ST3GAL1: variants seen among roughly 807,000 people sequenced by gnomAD.
ST3GAL1 encodes ST3 beta-galactoside alpha-2,3-sialyltransferase 1.
A neutral mutation model predicts 34.1 loss-of-function variants in ST3GAL1; 16 were observed. That is an observed-to-expected ratio of 0.47 (90% CI 0.32 to 0.71). ST3GAL1 has a LOEUF of 0.71. Ranked by LOEUF, ST3GAL1 falls within the 30% of genes least tolerant of loss-of-function variation. The pLI is 0.04. For synonymous variants in ST3GAL1, 191 were observed against 184.7 expected (o/e 1.03, Z -0.28); for missense variants, 353 against 447.4 (o/e 0.79, Z 1.90).
At chr8:133,493,029 G>A (rs1240061924) in intron 3 of ST3GAL1, among the ~76,000 whole-genome samples, 1 of 152,210 alleles carries the variant, frequency 6.6e-6, no homozygotes, top group African/African-American at 2.4e-5. Context: ...AGAGGTGCTA[G>A]AGACAGCTCT....
chr8:133,521,401 C>A lies in ST3GAL1; in HGVS notation c.-428-22212G>T, dbSNP rs148263238. Among the ~76,000 whole-genome samples the A allele has an allele frequency of 1.8e-3, 276 of 152,318 alleles. 1 individual carries two copies. Among genetic ancestry groups the A allele is most frequent in the African/African-American group, 6.5e-3 (269 of 41,562 alleles). The stretch of plus-strand genomic sequence containing the variant: ...GTAACCTCCATCTCTTGGGTTCAAG[C>A]AATTCTCCTGCCTCAGCCTCCTGAG... On this transcript the variant is annotated intron_variant, in intron 2 of 9. Transcript: ENST00000522652.
intron 7 of ST3GAL1, among the ~76,000 whole-genome samples, chr8:133,464,282 A>T (rs918598560): frequency 3.8e-4 from 58 of 152,256 alleles, no homozygotes; most frequent in African/African-American, 1.3e-3. Flanking sequence ...TCTGCTCAGG[A>T]AACTAAGCTC....
intron 3 of ST3GAL1, among the ~76,000 whole-genome samples, chr8:133,490,661 C>T (rs539388850): frequency 3.3e-5 from 5 of 152,320 alleles, no homozygotes; most frequent in South Asian, 2.1e-4. Context: ...ATGATGGAGA[C>T]GCTGGTATGT....
rs1815487788 is a variant in ST3GAL1 at position 133,461,275 on chromosome 8, A to G, written c.849+600T>C. ...TGCCTGAACCCAACATCAGGGAGGA[A>G]GTGGGGGCTGTGTGGCCTGCCCTCC... is the stretch of plus-strand genomic sequence containing the variant. On this transcript the variant is annotated intron_variant, in intron 9 of 9. Coordinates refer to ENST00000522652, the MANE Select transcript of ST3GAL1 (RefSeq NM_173344.3). The surrounding 1 kb of genome is among the most constrained non-coding windows in gnomAD (Gnocchi z 4.7). Among the ~76,000 whole-genome samples the G allele has an allele frequency of 6.6e-6, 1 of 152,148 alleles. No homozygotes were observed. Among genetic ancestry groups the G allele is most frequent in the Non-Finnish European group, 1.5e-5 (1 of 68,008 alleles).
intron 5 of ST3GAL1, among the ~76,000 whole-genome samples, chr8:133,470,173 A>G (rs139584890): frequency 0.014 from 2,178 of 152,260 alleles, 64 homozygotes; most frequent in African/African-American, 0.05. Flanking sequence ...TAATCCCAAC[A>G]CTTTGCGAGG....
intron 1 of ST3GAL1, among the ~76,000 whole-genome samples, chr8:133,568,057 TA>T (rs112632910): frequency 0.01 from 1,556 of 151,948 alleles, 27 homozygotes; most frequent in African/African-American, 0.036. Context: ...AGTAGCTGGG[TA>T]CTACAGGAGC....
chr8:133,512,558 A>T (rs1586631414), intron 2 of ST3GAL1, among the ~76,000 whole-genome samples: 1 of 152,180 alleles, frequency 6.6e-6, no homozygotes, highest in African/African-American at 2.4e-5. Context: ...TTGACAGTCA[A>T]TATTAAGCAT....
At position 133,533,638 on chromosome 8, in the gene ST3GAL1, A is replaced by G. The variant is rs564707129; in HGVS notation, c.-429+12136T>C. Among the ~76,000 whole-genome samples the G allele has an allele frequency of 1.1e-4, 16 of 152,286 alleles. 1 individual carries two copies. In the South Asian group the frequency reaches 3.3e-3, roughly 32 times the overall value. On this transcript the variant is annotated intron_variant, in intron 2 of 9. Transcript: ENST00000522652. ...CGTCAAACAATCCCACTGTGGCTGT[A>G]TCCTGACCTTTGTACTGCTCCCTGT...
intron 7 of ST3GAL1, among the ~76,000 whole-genome samples, chr8:133,464,541 G>A (rs1341074650): frequency 6.6e-6 from 1 of 152,238 alleles, no homozygotes; most frequent in Non-Finnish European, 1.5e-5. Flanking sequence ...GCGCGTGGAG[G>A]TCCCTTCAGG....
At chr8:133,512,972 G>A (rs2131014324) in intron 2 of ST3GAL1, among the ~76,000 whole-genome samples, 1 of 152,346 alleles carries the variant, frequency 6.6e-6, no homozygotes, top group East Asian at 1.9e-4. Flanking sequence ...TTAGAGGGGA[G>A]GAAGGGGCCT....
intron 2 of ST3GAL1, among the ~76,000 whole-genome samples, chr8:133,515,109 C>T (rs1817603589): frequency 6.6e-6 from 1 of 152,184 alleles, no homozygotes; most frequent in African/African-American, 2.4e-5. Flanking sequence ...GACCTCTCTG[C>T]TCTCCCATCA....
chr8:133,562,295 C>T (rs373734139), intron 1 of ST3GAL1, among the ~76,000 whole-genome samples: 7 of 151,498 alleles, frequency 4.6e-5, no homozygotes, highest in African/African-American at 1.5e-4. Flanking sequence ...CTGCAACCTC[C>T]GCCTCCTGGG....
At chr8:133,462,528 AG>A (rs2130917013) in intron 8 of ST3GAL1, among the ~76,000 whole-genome samples, 2 of 152,312 alleles carry the variant, frequency 1.3e-5, no homozygotes, top group South Asian at 4.1e-4. Context: ...GCAGTGGCTG[AG>A]CTGGGAGGAG....
At chr8:133,478,862 C>G (rs984538553) in intron 3 of ST3GAL1, among the ~76,000 whole-genome samples, 1 of 152,146 alleles carries the variant, frequency 6.6e-6, no homozygotes, top group African/African-American at 2.4e-5. Flanking sequence ...TGGCAGTGAC[C>G]CTGTCACCCG....
At position 133,461,469 on chromosome 8, in the gene ST3GAL1, C is replaced by G. The variant is rs2130914709; in HGVS notation, c.849+406G>C. ...CCTGGGTACCTGGCTCCCATTAATT[C>G]TGGTAAAATTGGGCCAAGGTGTGGC... On this transcript the variant is annotated intron_variant, in intron 9 of 9. Coordinates refer to ENST00000522652, the MANE Select transcript of ST3GAL1 (RefSeq NM_173344.3). The surrounding 1 kb of genome is among the most constrained non-coding windows in gnomAD (Gnocchi z 4.7). Among the ~76,000 whole-genome samples, 1 of 152,286 alleles carries G rather than the reference C, an allele frequency of 6.6e-6. No individual in the cohort carries two copies. Among genetic ancestry groups the G allele is most frequent in the East Asian group, 1.9e-4 (1 of 5,178 alleles).
intron 2 of ST3GAL1, among the ~76,000 whole-genome samples, chr8:133,540,828 TATATATAGAGAGAC>T (rs1435741881): frequency 0.039 from 3,260 of 83,178 alleles, 200 homozygotes; most frequent in Non-Finnish European, 0.052. Flanking sequence ...TATATAGACA[TATATATAGAGAGAC>T]ATATATATAG....
chr8:133,535,603 G>A lies in ST3GAL1; in HGVS notation c.-429+10171C>T, dbSNP rs556430071. ...CTGCAGCCTTGAACTTCTGGCCTCA[G>A]TTTCCCAAGTGACTAGGACTATAGA... On this transcript the variant is annotated intron_variant, in intron 2 of 9. Transcript: ENST00000522652. Among the ~76,000 whole-genome samples the A allele has an allele frequency of 2.3e-4, 35 of 150,838 alleles. No individual in the cohort carries two copies. In the South Asian group the frequency reaches 7.1e-3, roughly 30 times the overall value.
intron 3 of ST3GAL1, among the ~76,000 whole-genome samples, chr8:133,483,545 G>A (rs905200339): frequency 3.3e-5 from 5 of 152,154 alleles, no homozygotes; most frequent in Non-Finnish European, 5.9e-5. Flanking sequence ...TACTCGCAGG[G>A]TTATTTAAAA....
chr8:133,480,744 C>A (rs145893555), intron 3 of ST3GAL1, among the ~76,000 whole-genome samples: 1 of 152,204 alleles, frequency 6.6e-6, no homozygotes, highest in African/African-American at 2.4e-5. Flanking sequence ...TCTGTGTAGC[C>A]GTGGCTCATC....
Sources: allele counts gnomAD v4.1 joint callset (sites outside exome capture counted in the v4.1 genomes callset), GRCh38; gene constraint gnomAD v4.1.1; non-coding constraint Gnocchi (gnomAD v3.1); transcripts MANE v1.5; gene names NCBI Gene and HGNC (gene_info 2026-07-23, HGNC 2026-07-21).